GFRA2: variants seen among roughly 807,000 people sequenced by gnomAD.
GFRA2 encodes GDNF family receptor alpha 2, also known as GDNF family receptor alpha-2.
GFRA2 carries 17 observed loss-of-function variants against 48.3 expected under a neutral mutation model. The observed-to-expected ratio is 0.35, with a 90% confidence interval of 0.24 to 0.53. The LOEUF is 0.53. GFRA2 is among the 20% of genes least tolerant of loss of function. GFRA2 has a pLI of 0.93. For missense variants in GFRA2, 660 were observed against 637.3 expected (o/e 1.04, Z -0.38); for synonymous variants, 305 against 257.2 (o/e 1.19, Z -1.78).
At chr8:21,708,612 G>T (rs1585236685) in intron 4 of GFRA2, among the ~76,000 whole-genome samples, 1 of 152,242 alleles carries the variant, frequency 6.6e-6, no homozygotes. Context: ...TGAGGTCACA[G>T]TGGATTAGGG....
At chr8:21,808,219 C>T (rs1240808550) in intron 1 of GFRA2, among the ~76,000 whole-genome samples, 3 of 152,104 alleles carry the variant, frequency 2.0e-5, no homozygotes, top group Non-Finnish European at 4.4e-5. Flanking sequence ...CTGCACAGAC[C>T]CCTGAAAAAC....
chr8:21,762,517 C>G lies in GFRA2; in HGVS notation c.440-11575G>C, dbSNP rs555190496. On this transcript the variant is annotated intron_variant, in intron 3 of 8. Transcript: ENST00000524240. ...CATGACACCAGGACCACCCAGCAGT[C>G]TCCAGGTGAAGCTGCATTTTTGGAA... Among the ~76,000 whole-genome samples the G allele has an allele frequency of 2.2e-3, 337 of 152,320 alleles. 1 individual carries two copies. The highest frequency in any genetic ancestry group is 2.1e-3 in the Non-Finnish European group (146 of 68,030).
intron 7 of GFRA2, among the ~76,000 whole-genome samples, chr8:21,696,636 G>C: frequency 6.6e-6 from 1 of 152,130 alleles, no homozygotes. Context: ...TGGGAGCTTG[G>C]CCAGGTGTGG....
chr8:21,804,675 T>C (rs1807828421), intron 2 of GFRA2, among the ~76,000 whole-genome samples: 1 of 152,198 alleles, frequency 6.6e-6, no homozygotes, highest in Non-Finnish European at 1.5e-5. Context: ...CTGCTTTTCC[T>C]GCAGAGGTTT....
intron 1 of GFRA2, among the ~76,000 whole-genome samples, chr8:21,786,377 G>A (rs977287020): frequency 4.6e-5 from 7 of 152,238 alleles, no homozygotes; most frequent in Non-Finnish European, 1.0e-4. Context: ...GCCCATGCTG[G>A]GGTATGCAGC....
chr8:21,729,392 C>T (rs532923263), intron 4 of GFRA2, among the ~76,000 whole-genome samples: 1 of 152,084 alleles, frequency 6.6e-6, no homozygotes, highest in Non-Finnish European at 1.5e-5. Context: ...TACAGGGGAG[C>T]AGGGCTGCCC....
At chr8:21,698,706 G>A (rs28712883) in intron 7 of GFRA2, among the ~76,000 whole-genome samples, 42,646 of 151,970 alleles carry the variant, frequency 0.28, 6,437 homozygotes, top group East Asian at 0.45. Flanking sequence ...GACAGGGTGT[G>A]GTTGTGAAGT....
intron 4 of GFRA2, among the ~76,000 whole-genome samples, chr8:21,708,920 A>G (rs1177402941): frequency 1.3e-5 from 2 of 152,274 alleles, no homozygotes; most frequent in African/African-American, 2.4e-5. Context: ...ACTTTGCTAC[A>G]GCGGCCCCAG....
intron 4 of GFRA2, among the ~76,000 whole-genome samples, chr8:21,730,537 T>C (rs549028122): frequency 6.6e-6 from 1 of 152,300 alleles, no homozygotes; most frequent in South Asian, 2.1e-4. Flanking sequence ...GAGCCTTCCA[T>C]GGCAATGCAG....
At chr8:21,754,342 T>C (rs188134743) in intron 3 of GFRA2, among the ~76,000 whole-genome samples, 3 of 152,220 alleles carry the variant, frequency 2.0e-5, no homozygotes, top group Admixed American at 2.0e-4. Context: ...GCTCAAAAAA[T>C]GTTGACTAAT....
rs553663015 is a variant in GFRA2, at chr8:21,720,669, T to C, written c.795-14628A>G. Among the ~76,000 whole-genome samples, 8 of 152,284 alleles carry C rather than the reference T, an allele frequency of 5.3e-5. No homozygotes were observed. The South Asian group carries it at 1.2e-3, about 24-fold the overall frequency. ...CGTGACGTTTCATATGCCTTGGTCCTGTGTTGCTTCCCTTGCTGAGAAAGC... is the reference window on the plus strand; with the variant it reads ...CGTGACGTTTCATATGCCTTGGTCCCGTGTTGCTTCCCTTGCTGAGAAAGC... On this transcript the variant is annotated intron_variant, in intron 4 of 8. Transcript: ENST00000524240.
At chr8:21,724,565 T>C (rs1327151043) in intron 4 of GFRA2, among the ~76,000 whole-genome samples, 1 of 152,162 alleles carries the variant, frequency 6.6e-6, no homozygotes, top group African/African-American at 2.4e-5. Context: ...GACAAAGCCC[T>C]GTAAACCAGG....
upstream of GFRA2, among the ~76,000 whole-genome samples, chr8:21,789,671 G>T (rs1487441632): frequency 2.0e-5 from 3 of 152,004 alleles, no homozygotes; most frequent in African/African-American, 4.8e-5. Flanking sequence ...GCACATACAC[G>T]TGTGCTCTCC....
At chr8:21,776,039 GTA>G (rs1199906063) in intron 2 of GFRA2, among the ~76,000 whole-genome samples, 1 of 131,466 alleles carries the variant, frequency 7.6e-6, no homozygotes, top group East Asian at 2.3e-4. Flanking sequence ...GTGTGTGTGT[GTA>G]GTGAAAAGCA....
chr8:21,791,838 G>T (rs1807579007), upstream of GFRA2, among the ~76,000 whole-genome samples: 4 of 152,212 alleles, frequency 2.6e-5, no homozygotes, highest in African/African-American at 7.2e-5. Flanking sequence ...AAAAGCTACA[G>T]GGGTTCAAGG....
At chr8:21,809,504 T>A (rs1425992213) in intron 1 of GFRA2, among the ~76,000 whole-genome samples, 3 of 152,068 alleles carry the variant, frequency 2.0e-5, no homozygotes, top group Non-Finnish European at 4.4e-5. Context: ...TTTTTTTGTA[T>A]TTTTAGTAGA....
intron 4 of GFRA2, among the ~76,000 whole-genome samples, chr8:21,709,402 A>G (rs1207893320): frequency 6.6e-6 from 1 of 152,224 alleles, no homozygotes. Flanking sequence ...ACATTCTCAG[A>G]GTGGCAGATT....
chr8:21,771,377 G>C (rs945403166), intron 3 of GFRA2, among the ~76,000 whole-genome samples: 1 of 152,150 alleles, frequency 6.6e-6, no homozygotes, highest in Non-Finnish European at 1.5e-5. Flanking sequence ...CACATAGAAG[G>C]GGAGGGAAGG....
chr8:21,714,077 G>T (rs985229040), intron 4 of GFRA2, among the ~76,000 whole-genome samples: 2 of 152,168 alleles, frequency 1.3e-5, no homozygotes, highest in Non-Finnish European at 2.9e-5. Context: ...CTATGCTTTG[G>T]TCTTCACCAA....
Sources: gnomAD v4.1 joint callset for allele counts (sites outside exome capture counted in the v4.1 genomes callset) on GRCh38, gnomAD v4.1.1 for gene constraint, MANE v1.5 for transcripts, NCBI Gene and HGNC (gene_info 2026-07-23, HGNC 2026-07-21) for gene names.